C12orf60: variants seen among roughly 807,000 people sequenced by gnomAD.
C12orf60 encodes the protein chromosome 12 open reading frame 60, also known as uncharacterized protein C12orf60.
For synonymous variants in C12orf60, 102 were observed against 94.6 expected (o/e 1.08, Z -0.45); for missense variants, 284 against 283.2 (o/e 1.00, Z -0.02).
chr12:14,817,950 G>A (rs1011952477), intron 1 of C12orf60, among the ~76,000 whole-genome samples: 1 of 152,164 alleles, frequency 6.6e-6, no homozygotes, highest in Admixed American at 6.5e-5. Flanking sequence ...CCCACTAACA[G>A]GGTAAAAGCA....
Position 14,823,906 on chromosome 12 carries a change from A to G in C12orf60, c.*233A>G. On this transcript the variant is annotated 3_prime_UTR_variant, in exon 2 of 2. Coordinates refer to ENST00000330828, the MANE Select transcript of C12orf60 (RefSeq NM_175874.4). ...TAAGAAGAATATATTGTTGAAAAAAACAAAGTGGTATTACATTTGAGGATG... is the reference window on the plus strand; with the variant it reads ...TAAGAAGAATATATTGTTGAAAAAAGCAAAGTGGTATTACATTTGAGGATG... 1 of 330,314 alleles carries G rather than the reference A, an allele frequency of 3.0e-6. No individual in the cohort carries two copies. The allele number at this position is 330,314 out of a possible 1,614,324, so 20.5% of individuals were successfully genotyped here.
intron 1 of C12orf60, among the ~76,000 whole-genome samples, chr12:14,807,769 A>G (rs1439421608): frequency 6.6e-6 from 1 of 152,214 alleles, no homozygotes; most frequent in Non-Finnish European, 1.5e-5. Context: ...TGCAAAGCTT[A>G]TAAATTAAAT....
At chr12:14,805,292 C>T (rs1950030677) in intron 1 of C12orf60, 1 of 152,320 alleles carries the variant, frequency 6.6e-6, no homozygotes, top group East Asian at 1.9e-4. Context: ...AGTGTTTGAA[C>T]ATTCACTTGA....
intron 1 of C12orf60, among the ~76,000 whole-genome samples, chr12:14,810,506 T>A (rs1369782350): frequency 6.6e-6 from 1 of 152,234 alleles, no homozygotes; most frequent in African/African-American, 2.4e-5. Context: ...ACATGGTCCT[T>A]GCTTTTTTGG....
intron 1 of C12orf60, among the ~76,000 whole-genome samples, chr12:14,817,357 A>G (rs77998382): frequency 0.12 from 18,253 of 151,860 alleles, 1,310 homozygotes; most frequent in Admixed American, 0.23. Flanking sequence ...TTTTGTTTTT[A>G]TTTATTTCTT....
At chr12:14,814,005 G>A (rs1160156852) in intron 1 of C12orf60, 1 of 152,036 alleles carries the variant, frequency 6.6e-6, no homozygotes, top group Non-Finnish European at 1.5e-5. Flanking sequence ...TAACAAAGCT[G>A]TTTTTTTACT....
intron 1 of C12orf60, among the ~76,000 whole-genome samples, chr12:14,821,074 A>T (rs1950297922): frequency 6.6e-6 from 1 of 152,272 alleles, no homozygotes; most frequent in African/African-American, 2.4e-5. Context: ...ATGCATATTT[A>T]ATGTAATTAT....
At chr12:14,805,318 C>T (rs989974118) in intron 1 of C12orf60, 5 of 152,184 alleles carry the variant, frequency 3.3e-5, no homozygotes, top group Non-Finnish European at 7.3e-5. Flanking sequence ...ATTTAATTAT[C>T]ACAGTTGGTC....
At chr12:14,804,136 G>A (rs1565676978) in intron 1 of C12orf60, among the ~76,000 whole-genome samples, 1 of 152,060 alleles carries the variant, frequency 6.6e-6, no homozygotes, top group Non-Finnish European at 1.5e-5. Context: ...ATATGCAGTC[G>A]GTTTTAAGTT....
chr12:14,804,160 G>A (rs766010743), intron 1 of C12orf60, among the ~76,000 whole-genome samples: 1 of 152,148 alleles, frequency 6.6e-6, no homozygotes, highest in Non-Finnish European at 1.5e-5. Flanking sequence ...TGAGTGGCAA[G>A]GTTGATATAT....
At chr12:14,822,413 A>G (rs536618553) in intron 1 of C12orf60, among the ~76,000 whole-genome samples, 27 of 152,078 alleles carry the variant, frequency 1.8e-4, no homozygotes, top group African/African-American at 6.3e-4. Flanking sequence ...TAAATGCTGT[A>G]CTCCCTACTT....
chr12:14,824,114 A>G lies in C12orf60; in HGVS notation c.*441A>G, dbSNP rs140753454. 2.2e-3 allele frequency: 340 copies of G among 153,698 alleles called. No homozygotes were observed. Among genetic ancestry groups the G allele is most frequent in the Non-Finnish European group, 3.7e-3 (252 of 68,986 alleles). The allele number at this position is 153,698 out of a possible 1,614,324, so 9.5% of individuals were successfully genotyped here. On this transcript the variant is annotated 3_prime_UTR_variant, in exon 2 of 2. Coordinates refer to ENST00000330828, the MANE Select transcript of C12orf60 (RefSeq NM_175874.4). The stretch of plus-strand genomic sequence containing the variant: ...TTGTCACTCATATACCAATTTCTAT[A>G]TACTTCAGTACCTTGACGATCAGAA...
chr12:14,818,783 AAAC>A (rs1468822003), intron 1 of C12orf60, among the ~76,000 whole-genome samples: 2 of 152,180 alleles, frequency 1.3e-5, no homozygotes, highest in South Asian at 2.1e-4. Context: ...CTCTGTCTCA[AAAC>A]AACAACAACA....
At chr12:14,809,092 G>C (rs1431901095) in intron 1 of C12orf60, among the ~76,000 whole-genome samples, 1 of 152,108 alleles carries the variant, frequency 6.6e-6, no homozygotes, top group African/African-American at 2.4e-5. Flanking sequence ...TTCCTTTTCA[G>C]ACAGTTAGGT....
chr12:14,807,216 TG>T (rs1247952334), intron 1 of C12orf60, among the ~76,000 whole-genome samples: 2 of 152,240 alleles, frequency 1.3e-5, no homozygotes, highest in African/African-American at 4.8e-5. Flanking sequence ...AACCCTTTGA[TG>T]GATAAATTAA....
chr12:14,812,261 G>A (rs868789915), intron 1 of C12orf60, among the ~76,000 whole-genome samples: 3 of 152,142 alleles, frequency 2.0e-5, no homozygotes, highest in Non-Finnish European at 2.9e-5. Flanking sequence ...TGGCTAACAC[G>A]GTGAAACCCC....
intron 1 of C12orf60, chr12:14,806,288 G>A (rs1229811145): frequency 3.1e-6 from 5 of 1,614,052 alleles, no homozygotes; most frequent in African/African-American, 2.7e-5. Context: ...GTTTAACAGC[G>A]ACTGCACTGG....
intron 1 of C12orf60, among the ~76,000 whole-genome samples, chr12:14,808,508 T>C (rs1485046136): frequency 1.3e-5 from 2 of 152,220 alleles, no homozygotes; most frequent in Admixed American, 1.3e-4. Flanking sequence ...CTTCTAGCAC[T>C]ACGGTTCTTA....
chr12:14,804,566 T>C (rs1297369397), intron 1 of C12orf60: 2 of 152,232 alleles, frequency 1.3e-5, no homozygotes, highest in Admixed American at 1.3e-4. Context: ...AGACTGAATT[T>C]GAGTGTCAGA....
Sources: gnomAD v4.1 joint callset for allele counts (sites outside exome capture counted in the v4.1 genomes callset) on GRCh38, gnomAD v4.1.1 for gene constraint, MANE v1.5 for transcripts, NCBI Gene and HGNC (gene_info 2026-07-23, HGNC 2026-07-21) for gene names.